Variants in ANK3 observed in about 807,000 individuals in gnomAD.
The protein encoded by ANK3 is ankyrin-3.
Under a neutral mutation model 370.9 loss-of-function variants are expected in ANK3, and 57 were observed. The observed-to-expected ratio is 0.15, with a 90% CI of 0.12 to 0.19. ANK3 has a LOEUF of 0.19. Ranked by LOEUF, ANK3 falls within the 10% of genes least tolerant of loss-of-function variation. ANK3 has a pLI of 1.00. For missense variants in ANK3, 4,439 were observed against 5,302.1 expected (o/e 0.84, Z 5.06); for synonymous variants, 1,929 against 1,946.3 (o/e 0.99, Z 0.23).
chr10:60,453,633 G>T (rs7069341), intron 2 of ANK3, among the ~76,000 whole-genome samples: 53,708 of 151,724 alleles, frequency 0.35, 9,613 homozygotes, highest in South Asian at 0.47. Context: ...CATTACTTTT[G>T]TCTTTGTTTT....
At chr10:60,663,255 G>A (rs1002603031) in intron 1 of ANK3, among the ~76,000 whole-genome samples, 5 of 152,178 alleles carry the variant, frequency 3.3e-5, no homozygotes, top group African/African-American at 1.2e-4. Flanking sequence ...TGGGGAAAGG[G>A]CCACTGATTT....
At chr10:60,595,438 G>A (rs181235488) in intron 2 of ANK3, among the ~76,000 whole-genome samples, 4 of 152,212 alleles carry the variant, frequency 2.6e-5, no homozygotes, top group African/African-American at 7.2e-5. Context: ...GTCAGTTCCT[G>A]GTTGGGGCCA....
Position 60,063,198 on chromosome 10 carries a change from G to C in ANK3, c.12508C>G (p.Leu4170Val). Residue 4170 changes from leucine to valine, a missense_variant, in exon 40 of 44, where the codon CTA becomes GTA. Leu to Val is a conservative substitution (Grantham distance 32, BLOSUM62 1). Transcript: ENST00000280772. Reference protein sequence around the residue: ...KINRIDIVTLLEGPIFDYGNI... With the variant: ...KINRIDIVTLVEGPIFDYGNI... ...CCATAATCAAATATTGGTCCTTCTA[G>C]CAGTGTCACTATATCTATTCGATTA... 1 of 1,613,390 alleles carries C rather than the reference G, an allele frequency of 6.2e-7. No homozygotes were observed. Among genetic ancestry groups the C allele is most frequent in the Non-Finnish European group, 8.5e-7 (1 of 1,179,712 alleles).
chr10:60,614,608 T>C (rs575179218), intron 2 of ANK3, among the ~76,000 whole-genome samples: 4 of 152,232 alleles, frequency 2.6e-5, no homozygotes, highest in African/African-American at 7.2e-5. Context: ...CGTCACTATA[T>C]AGGGGAAAGG....
intron 1 of ANK3, among the ~76,000 whole-genome samples, chr10:60,320,370 A>C (rs10821721): frequency 3.9e-5 from 6 of 152,014 alleles, no homozygotes; most frequent in Non-Finnish European, 8.8e-5. Context: ...TAGGCAGGTG[A>C]ATCACTTGAG....
chr10:60,463,677 C>CT (rs1431392477), intron 2 of ANK3, among the ~76,000 whole-genome samples: 2 of 125,372 alleles, frequency 1.6e-5, no homozygotes, highest in African/African-American at 6.0e-5. Flanking sequence ...TACAATCTTG[C>CT]TTAAAAAAAA....
intron 1 of ANK3, among the ~76,000 whole-genome samples, chr10:60,654,486 G>A (rs1177929964): frequency 6.6e-6 from 1 of 152,090 alleles, no homozygotes; most frequent in South Asian, 2.1e-4. Context: ...TCTGTTGTGA[G>A]TGTTTATTAT....
At chr10:60,730,050 C>G (rs7101221) in intron 1 of ANK3, among the ~76,000 whole-genome samples, 23,272 of 152,162 alleles carry the variant, frequency 0.15, 2,114 homozygotes, top group East Asian at 0.28. Context: ...ATATTTCAAC[C>G]ATGCATGTAG....
intron 24 of ANK3, 174 bp downstream of exon 24, chr10:60,138,790 A>G (rs763265713): frequency 3.2e-5 from 26 of 813,560 alleles, no homozygotes; most frequent in Non-Finnish European, 4.5e-5. Context: ...AACAACCGCA[A>G]ACCACAAAAG....
At chr10:60,416,580 T>A (rs1239633890) in intron 2 of ANK3, among the ~76,000 whole-genome samples, 1 of 152,184 alleles carries the variant, frequency 6.6e-6, no homozygotes, top group African/African-American at 2.4e-5. Context: ...AAGTGTTACA[T>A]TAGGAAACTT....
rs2062947067 is a variant in ANK3 at position 60,389,844 on chromosome 10, G to A, written c.-306C>T. 9.1e-7 allele frequency: 1 copy of A among 1,100,522 alleles called. No homozygotes were observed. The highest frequency in any genetic ancestry group is 6.1e-5 in the East Asian group (1 of 16,410). The allele number at this position is 1,100,522 out of a possible 1,614,324, so 68.2% of individuals were successfully genotyped here. A position where few individuals can be genotyped will look rare whatever the true frequency, so the allele number is the denominator to read the frequency against. On this transcript the variant is annotated 5_prime_UTR_variant, in exon 1 of 44. Coordinates refer to ENST00000280772, the MANE Select transcript of ANK3 (RefSeq NM_020987.5). Reference sequence around the variant, plus strand: ...GGACAGAGGAAGCTGTATTATGGCTGTATCCCCTGCCACCAGCTGGAAGTG... The same window carrying A: ...GGACAGAGGAAGCTGTATTATGGCTATATCCCCTGCCACCAGCTGGAAGTG...
intron 42 of ANK3, among the ~76,000 whole-genome samples, chr10:60,048,891 T>C (rs965773377): frequency 2.0e-5 from 3 of 152,216 alleles, no homozygotes; most frequent in African/African-American, 7.2e-5. Flanking sequence ...ACAGTAATTT[T>C]AGTCTCAATG....
chr10:60,637,398 T>C (rs1371604928), intron 1 of ANK3, among the ~76,000 whole-genome samples: 1 of 152,164 alleles, frequency 6.6e-6, no homozygotes, highest in Non-Finnish European at 1.5e-5. Flanking sequence ...GACAGTGCTA[T>C]TGAGGGTGTG....
At chr10:60,644,838 T>A (rs536563087) in intron 1 of ANK3, among the ~76,000 whole-genome samples, 1 of 108,344 alleles carries the variant, frequency 9.2e-6, no homozygotes, top group East Asian at 2.7e-4. Flanking sequence ...TTAATTTAGT[T>A]AAAAGAAAAA....
intron 2 of ANK3, among the ~76,000 whole-genome samples, chr10:60,558,232 TG>T (rs2077254889): frequency 1.3e-5 from 2 of 152,200 alleles, no homozygotes. Flanking sequence ...TATTAGAAAA[TG>T]GGAGTTTCAG....
chr10:60,330,927 T>A (rs1243515965), intron 1 of ANK3, among the ~76,000 whole-genome samples: 2 of 152,180 alleles, frequency 1.3e-5, no homozygotes, highest in Non-Finnish European at 2.9e-5. Context: ...CATGGAATAC[T>A]GTGCAGCCAT....
Position 60,069,595 on chromosome 10 carries a change from C to A in ANK3, c.11286G>T (p.Met3762Ile). The A allele has an allele frequency of 6.2e-7, 1 of 1,613,882 alleles. No individual in the cohort carries two copies. The highest frequency in any genetic ancestry group is 8.5e-7 in the Non-Finnish European group (1 of 1,179,968). Residue 3762 changes from methionine (M) to isoleucine (I), a missense_variant, in exon 37 of 44, where the codon ATG (methionine) becomes ATT (isoleucine). Met to Ile is a conservative substitution (Grantham distance 10). Around this residue, in one of 13 missense-constraint regions of ANK3, gnomAD observed 496 missense variants for 529.3 expected, o/e 0.94. Transcript: ENST00000280772. The stretch of plus-strand genomic sequence containing the variant: ...TCTGGCTATTGGCTGTATTTGAAAT[C>A]ATTGTTATAGTTTCATTTTCTAATC... ...CQGLENETIT[M>I]ISNTANSQMG...
intron 1 of ANK3, among the ~76,000 whole-genome samples, chr10:60,325,795 G>A (rs10821724): frequency 0.21 from 32,268 of 152,154 alleles, 3,669 homozygotes; most frequent in Admixed American, 0.31. Flanking sequence ...ACCCAAAGGA[G>A]TATAAATCAT....
At position 60,680,012 on chromosome 10, in the gene ANK3, G is replaced by A. The variant is rs139289758; in HGVS notation, c.57+53251C>T. On this transcript the variant is annotated intron_variant, in intron 1 of 43. Coordinates refer to the ANK3 transcript ENST00000373827. ...TAGCCAGGCGTGGTGGTGGGCACCT[G>A]CAGTCCCGGCTACTCAGGAGGTGGA... Among the ~76,000 whole-genome samples, 419 of 151,694 alleles carry A rather than the reference G, an allele frequency of 2.8e-3. 1 individual carries two copies. The highest frequency in any genetic ancestry group is 9.8e-3 in the African/African-American group (407 of 41,342).
Sources: allele counts gnomAD v4.1 joint callset (sites outside exome capture counted in the v4.1 genomes callset), GRCh38; gene constraint gnomAD v4.1.1; regional missense constraint gnomAD v4.1.1; transcripts MANE v1.5; gene names NCBI Gene and HGNC (gene_info 2026-07-23, HGNC 2026-07-21).